The following PVT1 variants were observed in gnomAD, a reference collection of about 807,000 sequenced individuals.
PVT1 encodes the protein CXCR4/PVT1 fusion.
intron 2 of PVT1, among the ~76,000 whole-genome samples, chr8:127,888,008 T>C (rs1406236391): frequency 7.2e-6 from 1 of 138,248 alleles, no homozygotes; most frequent in East Asian, 2.4e-4. Flanking sequence ...TGGCATGATC[T>C]TGGCTCACTA....
At chr8:127,809,735 C>T (rs1269120495) in intron 2 of PVT1, among the ~76,000 whole-genome samples, 1 of 152,156 alleles carries the variant, frequency 6.6e-6, no homozygotes, top group East Asian at 1.9e-4. Flanking sequence ...AGGAGAGTGG[C>T]TAACGAAGAC....
At chr8:127,824,193 C>A (rs1814762770) in intron 2 of PVT1, among the ~76,000 whole-genome samples, 2 of 152,272 alleles carry the variant, frequency 1.3e-5, no homozygotes, top group East Asian at 1.9e-4. Flanking sequence ...AAAAAAGGAA[C>A]TATCTGGCTT....
At position 128,069,818 on chromosome 8, in the gene PVT1, A is replaced by G. The variant is rs190002176; in HGVS notation, n.913-342A>G. On this transcript the variant is annotated intron_variant and non_coding_transcript_variant, in intron 4 of 10. Coordinates refer to ENST00000651587, the Ensembl canonical transcript of PVT1. Reference sequence around the variant, plus strand: ...TCACGCCTGGGTTCTCTGACTGTAAATCTGGCTGTGTTTTTTTCTTTCGAA... The same window carrying G: ...TCACGCCTGGGTTCTCTGACTGTAAGTCTGGCTGTGTTTTTTTCTTTCGAA... Among the ~76,000 whole-genome samples, 19 of 152,252 alleles carry G rather than the reference A, an allele frequency of 1.2e-4. No individual in the cohort carries two copies. In the East Asian group the frequency reaches 3.5e-3, roughly 28 times the overall value.
intron 4 of PVT1, among the ~76,000 whole-genome samples, chr8:128,024,377 A>G (rs779374609): frequency 6.6e-6 from 1 of 152,046 alleles, no homozygotes; most frequent in East Asian, 1.9e-4. Flanking sequence ...TCGGGGAGCA[A>G]TTTGGGAGGC....
Position 128,056,637 on chromosome 8 carries a change from C to T in PVT1, n.913-13523C>T, listed in dbSNP as rs549175432. On this transcript the variant is annotated intron_variant and non_coding_transcript_variant, in intron 4 of 10. Transcript: ENST00000651587. ...ACCTCCCGAGGCCAATGCCTAGTGC[C>T]TTCTCCACCACACGAATGGTTGCCA... Among the ~76,000 whole-genome samples the T allele has an allele frequency of 1.5e-3, 221 of 152,254 alleles. 1 individual carries two copies. Among genetic ancestry groups the T allele is most frequent in the Non-Finnish European group, 2.6e-3 (176 of 68,018 alleles).
chr8:128,091,560 ACT>A (rs1586515788), intron 5 of PVT1, among the ~76,000 whole-genome samples: 2 of 152,098 alleles, frequency 1.3e-5, no homozygotes, highest in East Asian at 3.9e-4. Context: ...ATTCGTGATA[ACT>A]CTCTGTTCTC....
At position 127,897,173 on chromosome 8, in the gene PVT1, G is replaced by C. The variant is rs181229804; in HGVS notation, n.782+6175G>C. 2.6e-5 allele frequency among the ~76,000 whole-genome samples: 4 copies of C among 152,338 alleles called. No individual in the cohort carries two copies. In the East Asian group the frequency reaches 7.7e-4, roughly 29 times the overall value. On this transcript the variant is annotated intron_variant and non_coding_transcript_variant, in intron 3 of 10. Transcript: ENST00000651587. ...AACCCCGTTACCCCTGAGCGAGTTT[G>C]GGGGCAAGCATAGGTTTGTAGGCAC...
chr8:128,074,449 G>A (rs1814055090), intron 5 of PVT1, among the ~76,000 whole-genome samples: 1 of 151,908 alleles, frequency 6.6e-6, no homozygotes, highest in Non-Finnish European at 1.5e-5. Context: ...CTTGAAGCCG[G>A]GAGGCGGAGG....
intron 3 of PVT1, among the ~76,000 whole-genome samples, chr8:127,953,489 A>ATTTATTTAGTATTTAGTATTATAGTAACG (rs1816531794): frequency 1.3e-5 from 2 of 152,228 alleles, no homozygotes; most frequent in Non-Finnish European, 2.9e-5. Context: ...AATAGCTAAC[A>ATTTATTTAGTATTTAGTATTATAGTAACG]TTTATTTAGT....
At chr8:128,067,295 T>C (rs1173502627) in intron 4 of PVT1, among the ~76,000 whole-genome samples, 1 of 152,104 alleles carries the variant, frequency 6.6e-6, no homozygotes, top group Non-Finnish European at 1.5e-5. Context: ...TTTAAAGAGT[T>C]GATTGGATTG....
intron 4 of PVT1, among the ~76,000 whole-genome samples, chr8:128,052,562 G>A (rs2648868): frequency 0.14 from 20,784 of 152,124 alleles, 1,770 homozygotes; most frequent in East Asian, 0.32. Context: ...TGAAGGGATA[G>A]ACACTGGAGA....
chr8:127,963,034 T>C (rs973349527), intron 3 of PVT1, among the ~76,000 whole-genome samples: 4 of 152,196 alleles, frequency 2.6e-5, no homozygotes, highest in Non-Finnish European at 2.9e-5. Context: ...ACCTCTGGCC[T>C]GCGGGATTGA....
chr8:127,804,745 G>T (rs1238368969), intron 2 of PVT1, among the ~76,000 whole-genome samples: 2 of 148,540 alleles, frequency 1.3e-5, no homozygotes, highest in Non-Finnish European at 3.0e-5. Flanking sequence ...TTTTAGTTCA[G>T]ACAGGGTTTC....
chr8:127,922,917 C>T (rs1040084816), intron 3 of PVT1, among the ~76,000 whole-genome samples: 1 of 152,226 alleles, frequency 6.6e-6, no homozygotes, highest in Non-Finnish European at 1.5e-5. Flanking sequence ...AAAAGAGTCA[C>T]GGGAGTCCCA....
chr8:127,971,130 A>G (rs765445586), intron 3 of PVT1, among the ~76,000 whole-genome samples: 9 of 152,230 alleles, frequency 5.9e-5, no homozygotes, highest in Non-Finnish European at 1.3e-4. Flanking sequence ...CCCCGGTTCT[A>G]AACTGCACTT....
intron 2 of PVT1, among the ~76,000 whole-genome samples, chr8:127,849,277 T>C (rs574642344): frequency 6.6e-6 from 1 of 152,242 alleles, no homozygotes; most frequent in Admixed American, 6.5e-5. Context: ...GACCTTTACC[T>C]TTTCAGTGCC....
intron 5 of PVT1, among the ~76,000 whole-genome samples, chr8:128,081,945 G>A (rs192439501): frequency 6.6e-6 from 1 of 152,254 alleles, no homozygotes; most frequent in Non-Finnish European, 1.5e-5. Context: ...TCTTAAATCT[G>A]TAATTAGTAT....
chr8:127,895,237 G>A (rs777639772), intron 3 of PVT1, among the ~76,000 whole-genome samples: 6 of 152,170 alleles, frequency 3.9e-5, no homozygotes, highest in East Asian at 1.9e-4. Flanking sequence ...TTGGGAGGCC[G>A]AGGTGGGCAG....
At chr8:127,852,669 C>G (rs778651112) in intron 2 of PVT1, among the ~76,000 whole-genome samples, 3 of 152,130 alleles carry the variant, frequency 2.0e-5, no homozygotes, top group African/African-American at 2.4e-5. Context: ...GCAGGTTAAG[C>G]CCTTGGCACA....
Sources: allele counts gnomAD v4.1 joint callset (sites outside exome capture counted in the v4.1 genomes callset), GRCh38; gene constraint gnomAD v4.1.1; transcripts MANE v1.5; gene names NCBI Gene and HGNC (gene_info 2026-07-23, HGNC 2026-07-21).